FSCN2: variants seen among roughly 807,000 people sequenced by gnomAD.
The protein encoded by FSCN2 is fascin actin-bundling protein 2, retinal.
In FSCN2, 46 loss-of-function variants were observed where a neutral mutation model predicts 37.8. That is an observed-to-expected ratio of 1.22 (90% CI 0.96 to 1.56). The LOEUF (loss-of-function observed/expected upper bound fraction) is 1.56, where lower values mean the gene tolerates loss of function less well. Among genes scored for constraint, FSCN2 ranks in the 40% most tolerant of loss-of-function variants. The pLI is 0.00. For synonymous variants in FSCN2, 351 were observed against 309.4 expected (o/e 1.13, Z -1.41); for missense variants, 844 against 730.4 (o/e 1.16, Z -1.79).
At position 81,537,056 on chromosome 17, in the gene FSCN2, C is replaced by A; in HGVS notation, c.1455C>A (p.Ala485=). 1.4e-6 allele frequency: 2 copies of A among 1,464,302 alleles called. No homozygotes were observed. The highest frequency in any genetic ancestry group is 1.8e-6 in the Non-Finnish European group (2 of 1,115,038). The allele number at this position is 1,464,302 out of a possible 1,614,324, so 90.7% of individuals were successfully genotyped here. The change falls in exon 5 of 5, where the codon GCC becomes GCA. Residue 485 remains alanine, a synonymous_variant. Coordinates refer to ENST00000417245, the MANE Select transcript of FSCN2 (RefSeq NM_012418.4). ...GLLRADADAP[A]GTALWEY ...TGCGGGCCGATGCCGACGCCCCGGC[C>A]GGGACCGCGCTTTGGGAGTACTGAG...
At chr17:81,532,327 T>TG (rs2032697379) in intron 1 of FSCN2, among the ~76,000 whole-genome samples, 1 of 145,618 alleles carries the variant, frequency 6.9e-6, no homozygotes, top group Admixed American at 6.9e-5. Context: ...ATGGTGATGA[T>TG]AGTGATGGTG....
chr17:81,519,317 C>A, the FSCN2 span, among the ~76,000 whole-genome samples: 107 of 152,246 alleles, frequency 7.0e-4, no homozygotes, highest in South Asian at 0.011. Context: ...TCCGCGCACT[C>A]CCCCCGGGAC....
Position 81,528,860 on chromosome 17 carries a change from T to G in FSCN2, c.329T>G (p.Phe110Cys), listed in dbSNP as rs1296725178. 6.4e-7 allele frequency: 1 copy of G among 1,560,662 alleles called. No individual in the cohort carries two copies. The highest frequency in any genetic ancestry group is 2.4e-5 in the East Asian group (1 of 41,946). ...WVLRSEPHGRFFGGTEDQLSC... is the reference protein window; with the variant it reads ...WVLRSEPHGRCFGGTEDQLSC... ...CTGCGGTCCGAGCCGCACGGCCGCT[T>G]CTTCGGAGGCACCGAGGACCAGCTG... The change falls in exon 1 of 5, where the codon TTC becomes TGC. Residue 110 changes from phenylalanine (F) to cysteine (C), a missense_variant. By Grantham distance (205) the Phe-to-Cys change is radical. Transcript: ENST00000417245.
At chr17:81,531,150 A>C (rs534263324) in intron 1 of FSCN2, among the ~76,000 whole-genome samples, 23 of 138,884 alleles carry the variant, frequency 1.7e-4, no homozygotes, top group African/African-American at 6.1e-4. Context: ...AGCGACAATG[A>C]TGGTGATGGT....
the FSCN2 span, among the ~76,000 whole-genome samples, chr17:81,523,126 T>G: frequency 6.6e-6 from 1 of 152,170 alleles, no homozygotes; most frequent in Admixed American, 6.5e-5. Flanking sequence ...CAGCAGACTG[T>G]GTGGGCTGTC....
intron 3 of FSCN2, 106 bp from the exon 4 acceptor site, chr17:81,536,516 C>T: frequency 1.5e-5 from 24 of 1,551,334 alleles, no homozygotes; most frequent in Non-Finnish European, 1.8e-5. Flanking sequence ...AATGGCAGGC[C>T]TGGGTCCCTA....
chr17:81,535,015 G>A, intron 1 of FSCN2, 37 bp from the exon 2 acceptor site: 1 of 1,489,162 alleles, frequency 6.7e-7, no homozygotes. Context: ...CCCTACCCAG[G>A]AGAGGCGTGA....
chr17:81,530,610 G>T (rs781908030), intron 1 of FSCN2: 1 of 514,860 alleles, frequency 1.9e-6, no homozygotes, highest in Non-Finnish European at 3.9e-6. Flanking sequence ...GCTGGGCAAG[G>T]AGAGCTCCCC....
chr17:81,536,284 C>T lies in FSCN2; in HGVS notation c.1105+17C>T. Reference sequence around the variant, plus strand: ...ATTTTGTCGGTGAGCACTCTGCCTGCCAGGTACTGGGGCAGGGGCTGTCTC... The same window carrying T: ...ATTTTGTCGGTGAGCACTCTGCCTGTCAGGTACTGGGGCAGGGGCTGTCTC... On this transcript the variant is annotated intron_variant, in intron 3 of 4. Coordinates refer to ENST00000417245, the MANE Select transcript of FSCN2 (RefSeq NM_012418.4). 3.1e-6 allele frequency: 5 copies of T among 1,588,942 alleles called. No individual in the cohort carries two copies. Among genetic ancestry groups the T allele is most frequent in the Non-Finnish European group, 4.3e-6 (5 of 1,168,792 alleles).
chr17:81,533,232 TC>T lies in FSCN2; in HGVS notation c.827-1812del, dbSNP rs376483562. 3.4e-3 allele frequency among the ~76,000 whole-genome samples: 514 copies of T among 151,662 alleles called. 3 individuals are homozygous for T. The highest frequency in any genetic ancestry group is 0.012 in the African/African-American group (476 of 41,276). Reference sequence around the variant, plus strand: ...GAGTGAGCACCCAGGCTTGCATGTATCCCCCCCCATCGGCCAGAGCCTGCTC... The same window carrying T: ...GAGTGAGCACCCAGGCTTGCATGTATCCCCCCCATCGGCCAGAGCCTGCTC... On this transcript the variant is annotated intron_variant, in intron 1 of 4. Coordinates refer to ENST00000417245, the MANE Select transcript of FSCN2 (RefSeq NM_012418.4).
the FSCN2 span, among the ~76,000 whole-genome samples, chr17:81,521,618 C>T: frequency 2.0e-5 from 3 of 152,134 alleles, no homozygotes; most frequent in Non-Finnish European, 2.9e-5. Context: ...GCAGTCCACC[C>T]GACTTGGCCT....
chr17:81,531,609 GTGATGATGGTGA>G (rs1568077764), intron 1 of FSCN2, among the ~76,000 whole-genome samples: 11 of 136,490 alleles, frequency 8.1e-5, no homozygotes, highest in African/African-American at 2.8e-4. Flanking sequence ...GATGATAATG[GTGATGATGGTGA>G]TGGTGGTGGT....
chr17:81,531,240 GTGATGATGGTGATGGTGATGA>G (rs2032548758), intron 1 of FSCN2, among the ~76,000 whole-genome samples: 1 of 133,922 alleles, frequency 7.5e-6, no homozygotes, highest in African/African-American at 2.9e-5. Context: ...GGTGATGGTG[GTGATGATGGTGATGGTGATGA>G]TGGTGGTGAT....
intron 1 of FSCN2, among the ~76,000 whole-genome samples, chr17:81,531,726 GTGA>G (rs1555671369): frequency 1.8e-5 from 2 of 109,200 alleles, no homozygotes; most frequent in African/African-American, 8.4e-5. Flanking sequence ...GGTGGTGATG[GTGA>G]TGGTGATGAT....
At chr17:81,520,464 C>A in the FSCN2 span, among the ~76,000 whole-genome samples, 2 of 152,260 alleles carry the variant, frequency 1.3e-5, no homozygotes, top group Non-Finnish European at 2.9e-5. Context: ...AGCACCTTGA[C>A]AAGCCCCATT....
chr17:81,536,930 C>T lies in FSCN2; in HGVS notation c.1329C>T (p.Gly443=), dbSNP rs372555456. 8.3e-5 allele frequency: 130 copies of T among 1,571,650 alleles called. No homozygotes were observed. The highest frequency in any genetic ancestry group is 1.1e-4 in the Non-Finnish European group (123 of 1,164,958). The change falls in exon 5 of 5, where the codon GGC becomes GGT. Residue 443 remains glycine, a synonymous_variant. Coordinates refer to ENST00000417245, the MANE Select transcript of FSCN2 (RefSeq NM_012418.4). ...GCCACGGCAGCGTGTGCAGCGACGG[C>T]GAACGCGCCGAGGACTTCGTCTTCG... The part of the protein sequence containing the change: ...TGSHGSVCSD[G]ERAEDFVFEF...
chr17:81,525,698 C>A (rs2032330582), upstream of FSCN2, among the ~76,000 whole-genome samples: 1 of 152,182 alleles, frequency 6.6e-6, no homozygotes, highest in Non-Finnish European at 1.5e-5. Context: ...GCACTCCAGC[C>A]TGGGTGACAG....
At chr17:81,530,919 G>T (rs530719794) in intron 1 of FSCN2, among the ~76,000 whole-genome samples, 190 of 152,280 alleles carry the variant, frequency 1.2e-3, no homozygotes, top group Non-Finnish European at 2.3e-3. Flanking sequence ...GGCCGGGCAT[G>T]TGGCAATCCT....
intron 1 of FSCN2, among the ~76,000 whole-genome samples, chr17:81,531,274 C>T (rs56360137): frequency 0.85 from 108,374 of 127,968 alleles, 44,662 homozygotes; most frequent in East Asian, 0.92. Context: ...GTGGTGATGG[C>T]GGTGGTGATG....
Sources: gnomAD v4.1 joint callset for allele counts (sites outside exome capture counted in the v4.1 genomes callset) on GRCh38, gnomAD v4.1.1 for gene constraint, MANE v1.5 for transcripts, NCBI Gene and HGNC (gene_info 2026-07-23, HGNC 2026-07-21) for gene names.